Variants in RDH10 observed in about 807,000 individuals in gnomAD.
The protein encoded by RDH10 is retinol dehydrogenase 10, also known as retinol dehydrogenase 10 (all-trans).
Under a neutral mutation model 30.2 loss-of-function variants are expected in RDH10, and 12 were observed. That is an observed-to-expected ratio of 0.40 (90% CI 0.25 to 0.64). RDH10 has a LOEUF of 0.64. Among genes scored for constraint, RDH10 ranks in the 30% least tolerant of loss-of-function variants. The probability of loss-of-function intolerance (pLI) is 0.43; values close to 1 mark genes in which losing one functional copy is unlikely to be tolerated. For synonymous variants in RDH10, 189 were observed against 172.2 expected (o/e 1.10, Z -0.76); for missense variants, 268 against 445.2 (o/e 0.60, Z 3.58).
rs1174433789 is a variant in RDH10, at chr8:73,295,371, C to T, written c.82C>T (p.Arg28Trp). The change falls in exon 1 of 6, where the codon CGG (arginine) becomes TGG (tryptophan). Residue 28 changes from arginine (R) to tryptophan (W), a missense_variant. Coordinates refer to ENST00000240285, the MANE Select transcript of RDH10 (RefSeq NM_172037.5). ...GCTGGCCGCGGCGCGCTGGCTGGTG[C>T]GGCCCAAGGAGAAGAGCGTGGCGGG... ...FVLAAARWLV[R>W]PKEKSVAGQV... 5 of 1,557,878 alleles carry T rather than the reference C, an allele frequency of 3.2e-6. No individual in the cohort carries two copies. Among genetic ancestry groups the T allele is most frequent in the South Asian group, 2.4e-5 (2 of 84,804 alleles).
intron 2 of RDH10, among the ~76,000 whole-genome samples, chr8:73,307,877 A>G (rs1304764562): frequency 6.6e-6 from 1 of 152,250 alleles, no homozygotes; most frequent in Admixed American, 6.5e-5. Flanking sequence ...TAATATCCCC[A>G]GGAAGCTTGC....
intron 3 of RDH10, among the ~76,000 whole-genome samples, chr8:73,319,510 G>A (rs1323332240): frequency 6.6e-6 from 1 of 152,226 alleles, no homozygotes; most frequent in African/African-American, 2.4e-5. Context: ...GGGAGATAGA[G>A]CAAGACCCTG....
At chr8:73,319,960 A>T (rs1041886270) in intron 3 of RDH10, among the ~76,000 whole-genome samples, 2 of 152,236 alleles carry the variant, frequency 1.3e-5, no homozygotes, top group African/African-American at 4.8e-5. Context: ...ACATCACTCC[A>T]TGCAAATATG....
At chr8:73,319,571 A>G (rs1265815772) in intron 3 of RDH10, among the ~76,000 whole-genome samples, 2 of 152,230 alleles carry the variant, frequency 1.3e-5, no homozygotes, top group Non-Finnish European at 2.9e-5. Flanking sequence ...CTTCTGCCAT[A>G]AAATCTCTTA....
At chr8:73,299,569 A>G (rs777264915) in intron 2 of RDH10, among the ~76,000 whole-genome samples, 1 of 152,354 alleles carries the variant, frequency 6.6e-6, no homozygotes, top group Non-Finnish European at 1.5e-5. Context: ...CAGTAGGTTC[A>G]TTATGAACCG....
In RDH10 at chr8:73,309,964, C is replaced by T. The variant is rs548662564; in HGVS notation, c.526-9132C>T. On this transcript the variant is annotated intron_variant, in intron 2 of 5. Transcript: ENST00000240285. ...GGTGCTGAGATTGAGAAACGCTGTT[C>T]TAGAGCACTGGTTCCCAAACTCAGC... 5.6e-4 allele frequency among the ~76,000 whole-genome samples: 86 copies of T among 152,274 alleles called. 1 individual carries two copies. In the South Asian group the frequency reaches 0.017, roughly 29 times the overall value.
chr8:73,296,833 AGAG>A (rs1292204152), intron 1 of RDH10, among the ~76,000 whole-genome samples: 1 of 152,196 alleles, frequency 6.6e-6, no homozygotes, highest in Non-Finnish European at 1.5e-5. Flanking sequence ...CCCCAAAAAA[AGAG>A]GAGTGTGTAG....
At chr8:73,306,996 T>A (rs1814475814) in intron 2 of RDH10, among the ~76,000 whole-genome samples, 1 of 152,182 alleles carries the variant, frequency 6.6e-6, no homozygotes, top group South Asian at 2.1e-4. Context: ...CCCCTACTGA[T>A]TTCTTAAGGG....
chr8:73,295,142 C>G lies in RDH10; in HGVS notation c.-148C>G, dbSNP rs1814235463. On this transcript the variant is annotated 5_prime_UTR_variant, in exon 1 of 6. Coordinates refer to ENST00000240285, the MANE Select transcript of RDH10 (RefSeq NM_172037.5). Reference sequence around the variant, plus strand: ...CAGGGAGCGGCGCCGCGCACTCCAACCCGGCGGGCACCTCGGGGGCGGGCG... The same window carrying G: ...CAGGGAGCGGCGCCGCGCACTCCAAGCCGGCGGGCACCTCGGGGGCGGGCG... 1.4e-6 allele frequency: 1 copy of G among 693,224 alleles called. No individual in the cohort carries two copies. The highest frequency in any genetic ancestry group is 3.5e-5 in the East Asian group (1 of 28,404). The allele number at this position is 693,224 out of a possible 1,614,324, so 42.9% of individuals were successfully genotyped here.
At chr8:73,313,589 A>T (rs1468503493) in intron 2 of RDH10, among the ~76,000 whole-genome samples, 1 of 152,178 alleles carries the variant, frequency 6.6e-6, no homozygotes, top group East Asian at 1.9e-4. Context: ...AAAGTCAGTT[A>T]TTAAAAGTTT....
chr8:73,303,335 C>A (rs1276711004), intron 2 of RDH10, among the ~76,000 whole-genome samples: 1 of 152,148 alleles, frequency 6.6e-6, no homozygotes, highest in Admixed American at 6.5e-5. Flanking sequence ...TTCCTGTGTT[C>A]TCTGGTTACA....
intron 2 of RDH10, among the ~76,000 whole-genome samples, chr8:73,316,514 A>G (rs573498128): frequency 1.3e-5 from 2 of 152,310 alleles, no homozygotes; most frequent in African/African-American, 4.8e-5. Flanking sequence ...TGTTTTTACT[A>G]CTACAAAGAA....
chr8:73,298,326 C>T (rs1814313687), intron 2 of RDH10, among the ~76,000 whole-genome samples: 1 of 152,054 alleles, frequency 6.6e-6, no homozygotes, highest in Non-Finnish European at 1.5e-5. Flanking sequence ...GCGGATTAGC[C>T]TTCTAATAGA....
At chr8:73,320,436 T>C (rs1814745341) in intron 3 of RDH10, among the ~76,000 whole-genome samples, 1 of 151,086 alleles carries the variant, frequency 6.6e-6, no homozygotes, top group Non-Finnish European at 1.5e-5. Flanking sequence ...GGTATCTGGT[T>C]TGTGTTTTTT....
In RDH10 at chr8:73,295,053, C is replaced by T. The variant is rs1814231758; in HGVS notation, c.-237C>T. The T allele has an allele frequency of 3.0e-6, 1 of 335,266 alleles. No homozygotes were observed. Among genetic ancestry groups the T allele is most frequent in the Non-Finnish European group, 5.4e-6 (1 of 186,702 alleles). 20.8% of individuals were successfully genotyped at this position (335,266 alleles called of 1,614,324 possible). ...CGGCAGGAGGCGCCGAGCCGGGTGA[C>T]TGCCGCGGCGGGCACAGTCCGGGGC... On this transcript the variant is annotated 5_prime_UTR_variant, in exon 1 of 6. Transcript: ENST00000240285.
intron 2 of RDH10, among the ~76,000 whole-genome samples, chr8:73,298,896 C>T (rs1439268308): frequency 5.9e-5 from 9 of 152,200 alleles, no homozygotes; most frequent in Non-Finnish European, 1.5e-5. Context: ...CTCACTGCAA[C>T]CTCCACCTCC....
intron 2 of RDH10, among the ~76,000 whole-genome samples, chr8:73,305,840 G>A (rs1030272346): frequency 2.0e-5 from 3 of 152,136 alleles, no homozygotes; most frequent in African/African-American, 7.2e-5. Flanking sequence ...TTAAGAAATA[G>A]AGAACTATTT....
intron 4 of RDH10, chr8:73,322,239 C>T (rs1814784995): frequency 3.0e-6 from 1 of 331,956 alleles, no homozygotes; most frequent in African/African-American, 2.2e-5. Flanking sequence ...CTTCCGGCAT[C>T]CTGGAAAGTG....
chr8:73,309,606 T>C (rs1814526978), intron 2 of RDH10, among the ~76,000 whole-genome samples: 1 of 112,738 alleles, frequency 8.9e-6, no homozygotes, highest in South Asian at 4.0e-4. Flanking sequence ...ATTTAAGTTG[T>C]TGCCTTTTTT....
Sources: allele counts gnomAD v4.1 joint callset (sites outside exome capture counted in the v4.1 genomes callset), GRCh38; gene constraint gnomAD v4.1.1; transcripts MANE v1.5; gene names NCBI Gene and HGNC (gene_info 2026-07-23, HGNC 2026-07-21).